NRP1: variants seen among roughly 807,000 people sequenced by gnomAD.
The protein encoded by NRP1 is neuropilin-1.
A neutral mutation model predicts 106.7 loss-of-function variants in NRP1; 35 were observed. The observed-to-expected ratio is 0.33, with a 90% confidence interval of 0.25 to 0.43. The LOEUF (loss-of-function observed/expected upper bound fraction) is 0.43, where lower values mean the gene tolerates loss of function less well. NRP1 is among the 20% of genes least tolerant of loss of function. NRP1 has a pLI of 1.00. For missense variants in NRP1, 1,024 were observed against 1,170.4 expected (o/e 0.87, Z 1.83); for synonymous variants, 437 against 417.9 (o/e 1.05, Z -0.56).
chr10:33,276,020 C>T (rs886578863), intron 2 of NRP1, among the ~76,000 whole-genome samples: 2 of 152,144 alleles, frequency 1.3e-5, no homozygotes, highest in South Asian at 2.1e-4. Flanking sequence ...ACCCTATATA[C>T]AGTGTATTCT....
chr10:33,263,588 A>G (rs1164645467), intron 4 of NRP1, 58 bp downstream of exon 4: 4 of 1,299,240 alleles, frequency 3.1e-6, no homozygotes, highest in African/African-American at 1.5e-5. Context: ...TTGTAAAAGA[A>G]TACTGGTGCC....
intron 2 of NRP1, among the ~76,000 whole-genome samples, chr10:33,305,043 G>A (rs1460106892): frequency 2.0e-5 from 3 of 152,240 alleles, no homozygotes; most frequent in Non-Finnish European, 4.4e-5. Context: ...CTAGGCATGA[G>A]CACTTTGTGG....
At chr10:33,187,217 C>G (rs1836069904) in intron 13 of NRP1, among the ~76,000 whole-genome samples, 1 of 152,084 alleles carries the variant, frequency 6.6e-6, no homozygotes, top group African/African-American at 2.4e-5. Flanking sequence ...CACTGCGGCA[C>G]CCATGTGAAC....
intron 15 of NRP1, 100 bp downstream of exon 15, chr10:33,185,528 G>T: frequency 1.1e-6 from 1 of 887,298 alleles, no homozygotes; most frequent in Non-Finnish European, 1.8e-6. Flanking sequence ...AGGCCACACC[G>T]AAATTCTAGG....
chr10:33,187,234 A>G (rs928347740), intron 13 of NRP1, among the ~76,000 whole-genome samples: 1 of 152,228 alleles, frequency 6.6e-6, no homozygotes, highest in Non-Finnish European at 1.5e-5. Flanking sequence ...GAACACATGC[A>G]TTAAATGAAA....
chr10:33,210,130 A>G (rs909407480), intron 9 of NRP1, among the ~76,000 whole-genome samples: 6 of 152,250 alleles, frequency 3.9e-5, no homozygotes, highest in African/African-American at 1.4e-4. Context: ...CAACTCAGAA[A>G]AGCCTCTAGG....
chr10:33,220,161 T>TC (rs1261602877), intron 8 of NRP1, among the ~76,000 whole-genome samples: 1 of 152,216 alleles, frequency 6.6e-6, no homozygotes, highest in Non-Finnish European at 1.5e-5. Context: ...GTTTTTACTT[T>TC]CCAAGCTGAA....
intron 2 of NRP1, among the ~76,000 whole-genome samples, chr10:33,319,166 G>T (rs926479827): frequency 2.6e-5 from 4 of 151,754 alleles, no homozygotes; most frequent in African/African-American, 9.7e-5. Flanking sequence ...CACCATGCCA[G>T]GCTAATTTTT....
chr10:33,334,253 G>C, intron 1 of NRP1, 57 bp downstream of exon 1: 3 of 1,485,194 alleles, frequency 2.0e-6, no homozygotes, highest in Non-Finnish European at 2.7e-6. Context: ...CCCGGTCCGG[G>C]GCGGGCAGCT....
intron 2 of NRP1, among the ~76,000 whole-genome samples, chr10:33,282,460 T>C (rs1309291179): frequency 1.3e-5 from 2 of 152,224 alleles, no homozygotes; most frequent in Non-Finnish European, 2.9e-5. Context: ...TTAGTAATTA[T>C]TCAGTGGGGA....
chr10:33,299,605 C>G (rs568735121), intron 2 of NRP1, among the ~76,000 whole-genome samples: 1 of 152,098 alleles, frequency 6.6e-6, no homozygotes, highest in East Asian at 1.9e-4. Flanking sequence ...ATAGTGAGAC[C>G]CCAGTCTCTA....
At chr10:33,295,796 A>G (rs893080949) in intron 2 of NRP1, among the ~76,000 whole-genome samples, 3 of 152,244 alleles carry the variant, frequency 2.0e-5, no homozygotes, top group Non-Finnish European at 4.4e-5. Context: ...ACAAATTAAA[A>G]GATAAAAAGC....
chr10:33,192,039 T>TTGC (rs1375972850), intron 13 of NRP1, among the ~76,000 whole-genome samples: 1 of 151,528 alleles, frequency 6.6e-6, no homozygotes, highest in East Asian at 1.9e-4. Flanking sequence ...CTTGCCCAAT[T>TTGC]TGCTGTTTTC....
chr10:33,319,933 C>A (rs11009339), intron 2 of NRP1, among the ~76,000 whole-genome samples: 6 of 151,928 alleles, frequency 3.9e-5, no homozygotes, highest in African/African-American at 1.4e-4. Context: ...GCGAAAGTCC[C>A]CAGTTCCGTT....
chr10:33,201,212 T>C (rs1442375323), intron 11 of NRP1: 4 of 152,234 alleles, frequency 2.6e-5, no homozygotes, highest in African/African-American at 9.6e-5. Context: ...CAGGCTAACA[T>C]ACTCGCCCTA....
At chr10:33,259,383 G>A (rs1314721244) in intron 4 of NRP1, among the ~76,000 whole-genome samples, 1 of 152,146 alleles carries the variant, frequency 6.6e-6, no homozygotes, top group Non-Finnish European at 1.5e-5. Flanking sequence ...GAACAACAGC[G>A]AGACCTTAGC....
intron 4 of NRP1, among the ~76,000 whole-genome samples, chr10:33,258,110 C>T (rs1388323332): frequency 6.6e-6 from 1 of 152,132 alleles, no homozygotes; most frequent in African/African-American, 2.4e-5. Flanking sequence ...CCAAAGTGAA[C>T]CCCACAAGAA....
At chr10:33,306,202 A>G (rs1045239683) in intron 2 of NRP1, among the ~76,000 whole-genome samples, 3 of 152,208 alleles carry the variant, frequency 2.0e-5, no homozygotes, top group African/African-American at 7.2e-5. Context: ...GCCTGCAAAA[A>G]CACTTCTGTT....
At position 33,182,732 on chromosome 10, in the gene NRP1, A is replaced by G. The variant is rs1176069292; in HGVS notation, c.2448T>C (p.Asp816=). The stretch of plus-strand genomic sequence containing the variant: ...CAATTTTAATTTCTGGGTTCTTTTT[A>G]TCCAGGTCTGCTGGTTCTGACAAGT... ...QEDCAKPADL[D]KKNPEIKIDE... Residue 816 remains aspartate, a synonymous_variant, in exon 16 of 17, where the codon GAT becomes GAC. Transcript: ENST00000374867. 6.2e-7 allele frequency: 1 copy of G among 1,613,018 alleles called. No individual in the cohort carries two copies. Among genetic ancestry groups the G allele is most frequent in the Non-Finnish European group, 8.5e-7 (1 of 1,179,718 alleles).
Sources: allele counts gnomAD v4.1 joint callset (sites outside exome capture counted in the v4.1 genomes callset), GRCh38; gene constraint gnomAD v4.1.1; transcripts MANE v1.5; gene names NCBI Gene and HGNC (gene_info 2026-07-23, HGNC 2026-07-21).